The following MYH10 variants were observed in gnomAD, a reference collection of about 807,000 sequenced individuals.
The protein encoded by MYH10 is myosin heavy chain 10.
MYH10 carries 55 observed loss-of-function variants against 257.8 expected under a neutral mutation model. The ratio of observed to expected loss-of-function variants is 0.21; its 90% CI spans 0.17 to 0.27. MYH10 has a LOEUF of 0.27. MYH10 is among the 10% of genes least tolerant of loss of function. The probability of loss-of-function intolerance (pLI) is 1.00; values close to 1 mark genes in which losing one functional copy is unlikely to be tolerated. For missense variants in MYH10, 1,631 were observed against 2,500.6 expected (o/e 0.65, Z 7.42); for synonymous variants, 854 against 921.7 (o/e 0.93, Z 1.33).
At chr17:8,629,026 A>G (rs374808701) in intron 1 of MYH10, among the ~76,000 whole-genome samples, 87 of 152,340 alleles carry the variant, frequency 5.7e-4, no homozygotes, top group African/African-American at 2.0e-3. Flanking sequence ...AAGTAAGGAG[A>G]TGCATAAAAT....
chr17:8,585,037 T>C (rs1449755696), intron 4 of MYH10, among the ~76,000 whole-genome samples: 1 of 151,642 alleles, frequency 6.6e-6, no homozygotes, highest in East Asian at 1.9e-4. Context: ...GAGACGGGGT[T>C]TCTCTATGTT....
chr17:8,596,300 G>A (rs1400267969), intron 3 of MYH10, among the ~76,000 whole-genome samples: 3 of 151,900 alleles, frequency 2.0e-5, no homozygotes, highest in Non-Finnish European at 4.4e-5. Flanking sequence ...TTACAGGCAT[G>A]AGTTACCACG....
intron 31 of MYH10, among the ~76,000 whole-genome samples, chr17:8,494,321 C>G (rs1348058597): frequency 6.6e-6 from 1 of 152,206 alleles, no homozygotes; most frequent in Non-Finnish European, 1.5e-5. Context: ...TATTTCCTGC[C>G]AGATTGACTT....
chr17:8,578,818 G>A (rs1166600608), intron 4 of MYH10, among the ~76,000 whole-genome samples: 1 of 151,606 alleles, frequency 6.6e-6, no homozygotes, highest in African/African-American at 2.4e-5. Flanking sequence ...TTCTCAATTT[G>A]GATTATAAGA....
intron 3 of MYH10, among the ~76,000 whole-genome samples, chr17:8,590,044 G>A (rs2084064699): frequency 6.6e-6 from 1 of 152,162 alleles, no homozygotes; most frequent in African/African-American, 2.4e-5. Context: ...TGCCTAGAAA[G>A]GAACTGAGCT....
chr17:8,615,756 C>G (rs1252755523), intron 2 of MYH10, among the ~76,000 whole-genome samples: 2 of 152,036 alleles, frequency 1.3e-5, no homozygotes, highest in Non-Finnish European at 2.9e-5. Context: ...AAAAATCAAC[C>G]ATTCAGGATA....
chr17:8,597,329 A>G (rs1166118554), intron 3 of MYH10, among the ~76,000 whole-genome samples: 3 of 151,790 alleles, frequency 2.0e-5, no homozygotes, highest in Non-Finnish European at 4.4e-5. Context: ...AAGAAAGGAG[A>G]AGAAAAGAAA....
In MYH10 at chr17:8,477,029, C is replaced by T. The variant is rs769462957; in HGVS notation, c.5726G>A (p.Arg1909Gln). ...CAGCTGGCGTTTAAGCTGCTTCATC[C>T]GAGCGTTGGCCTTCTCCATCTTGGG... Reference protein sequence around the residue: ...YKEQMEKANARMKQLKRQLEE... With the variant: ...YKEQMEKANAQMKQLKRQLEE... Residue 1909 changes from arginine to glutamine, a missense_variant, in exon 42 of 43, where the codon CGG becomes CAG. Around this residue, in one of 11 missense-constraint regions of MYH10, gnomAD observed 343 missense variants for 389.5 expected, o/e 0.88. Transcript: ENST00000360416. This position sits in a 1 kb window ranked among gnomAD's most constrained non-coding sequence, Gnocchi z 4.2. 5 of 1,614,116 alleles carry T rather than the reference C, an allele frequency of 3.1e-6. No individual in the cohort carries two copies. The highest frequency in any genetic ancestry group is 1.7e-5 in the Admixed American group (1 of 60,030).
At chr17:8,496,152 T>C (rs767147135) in intron 30 of MYH10, among the ~76,000 whole-genome samples, 111 of 152,212 alleles carry the variant, frequency 7.3e-4, no homozygotes, top group Non-Finnish European at 2.8e-4. Flanking sequence ...CAAATCTTTG[T>C]GGTATAAGAT....
intron 31 of MYH10, 139 bp from the exon 32 acceptor site, chr17:8,494,024 G>A (rs1029957156): frequency 6.4e-6 from 6 of 939,628 alleles, no homozygotes; most frequent in Non-Finnish European, 7.8e-6. Context: ...AAACACAGAT[G>A]ATTTAAAAAC....
intron 36 of MYH10, among the ~76,000 whole-genome samples, chr17:8,486,534 A>G (rs1914811952): frequency 6.9e-6 from 1 of 145,544 alleles, no homozygotes; most frequent in Non-Finnish European, 1.5e-5. Context: ...AAATCTTTAT[A>G]TTTAGCTTCA....
intron 2 of MYH10, among the ~76,000 whole-genome samples, chr17:8,606,529 C>A (rs554775652): frequency 6.6e-6 from 1 of 152,298 alleles, no homozygotes; most frequent in Non-Finnish European, 1.5e-5. Context: ...CAGCCGTGTT[C>A]ATAAGAGCTG....
At position 8,500,807 on chromosome 17, in the gene MYH10, A is replaced by G. The variant is rs1404661554; in HGVS notation, c.3744+19T>C. On this transcript the variant is annotated intron_variant, in intron 29 of 42. Transcript: ENST00000360416. ...ACAGACTTTCTCCAGGCCACAGCAC[A>G]CGGCAGGGCCTCCCTTACCCGCTTG... is the stretch of plus-strand genomic sequence containing the variant. 3 of 1,609,028 alleles carry G rather than the reference A, an allele frequency of 1.9e-6. No homozygotes were observed. In the South Asian group the frequency reaches 3.3e-5, roughly 18 times the overall value.
intron 42 of MYH10, 88 bp from the exon 43 acceptor site, chr17:8,476,036 C>T: frequency 7.0e-7 from 1 of 1,429,472 alleles, no homozygotes; most frequent in Non-Finnish European, 9.4e-7. Context: ...GCCACGGAAC[C>T]TTCCCCTTGC....
At chr17:8,589,012 C>G (rs1026825266) in intron 4 of MYH10, 69 bp downstream of exon 4, 9 of 1,485,264 alleles carry the variant, frequency 6.1e-6, no homozygotes, top group Non-Finnish European at 8.4e-6. Flanking sequence ...CCCCTCCCCC[C>G]AGACAAAAAT....
chr17:8,561,658 AAG>A (rs1448945526), intron 7 of MYH10: 1 of 647,976 alleles, frequency 1.5e-6, no homozygotes. Context: ...AAAAAAAAAA[AAG>A]ATTTGGGGCC....
intron 2 of MYH10, among the ~76,000 whole-genome samples, chr17:8,610,280 A>G (rs1415763023): frequency 6.9e-6 from 1 of 145,170 alleles, no homozygotes; most frequent in Non-Finnish European, 1.5e-5. Context: ...GCAAAAAAAA[A>G]AAAAAAAAAA....
intron 28 of MYH10, 145 bp from the exon 29 acceptor site, chr17:8,501,115 C>T: frequency 6.7e-6 from 6 of 889,474 alleles, no homozygotes; most frequent in Non-Finnish European, 1.0e-5. Context: ...AGTAGGCTGG[C>T]AGGTCTATTA....
Position 8,604,972 on chromosome 17 carries a change from C to A in MYH10, c.356G>T (p.Gly119Val). Reference protein sequence around the residue: ...YYSGLIYTYSGLFCVVINPYK... With the variant: ...YYSGLIYTYSVLFCVVINPYK... The stretch of plus-strand genomic sequence containing the variant: ...AGGGTTTATAACTACACAGAAGAGT[C>A]CAGAATAAGTCTAGAATAAAAATAA... The change falls in exon 3 of 43, where the codon GGA (glycine) becomes GTA (valine). Residue 119 changes from glycine (G) to valine (V), a missense_variant. This residue lies in a region of MYH10 where 360 missense variants were observed against 581.9 expected (regional missense o/e 0.62). Transcript: ENST00000360416. The A allele has an allele frequency of 1.3e-6, 2 of 1,482,512 alleles. No homozygotes were observed. The highest frequency in any genetic ancestry group is 1.3e-5 in the South Asian group (1 of 76,832). 91.8% of individuals were successfully genotyped at this position (1,482,512 alleles called of 1,614,324 possible). A position where few individuals can be genotyped will look rare whatever the true frequency, so the allele number is the denominator to read the frequency against.
Sources: allele counts gnomAD v4.1 joint callset (sites outside exome capture counted in the v4.1 genomes callset), GRCh38; gene constraint gnomAD v4.1.1; regional missense constraint gnomAD v4.1.1; non-coding constraint Gnocchi (gnomAD v3.1); transcripts MANE v1.5; gene names NCBI Gene and HGNC (gene_info 2026-07-23, HGNC 2026-07-21).